GALNT2: variants seen among roughly 807,000 people sequenced by gnomAD.
The protein encoded by GALNT2 is UDP-GalNAc:polypeptide N-acetylgalactosaminyltransferase 2.
In GALNT2, 31 loss-of-function variants were observed where a neutral mutation model predicts 81.4. The ratio of observed to expected loss-of-function variants is 0.38; its 90% CI spans 0.29 to 0.51. The LOEUF (loss-of-function observed/expected upper bound fraction) is 0.51. GALNT2 is among the 20% of genes least tolerant of loss of function. GALNT2 has a pLI of 0.87. For missense variants in GALNT2, 629 were observed against 765.7 expected (o/e 0.82, Z 2.11); for synonymous variants, 303 against 287.4 (o/e 1.05, Z -0.55).
upstream of GALNT2, among the ~76,000 whole-genome samples, chr1:230,062,483 G>A (rs188342693): frequency 3.4e-4 from 51 of 152,168 alleles, no homozygotes; most frequent in African/African-American, 1.1e-3. Context: ...CCGAAACTCC[G>A]AACTCATAAA....
intron 15 of GALNT2, among the ~76,000 whole-genome samples, chr1:230,278,433 G>T (rs1248984677): frequency 6.6e-6 from 1 of 152,060 alleles, no homozygotes; most frequent in Non-Finnish European, 1.5e-5. Context: ...GGCTGAAAGG[G>T]GTATTTATGT....
At chr1:230,081,607 T>G (rs1174066333) in intron 1 of GALNT2, among the ~76,000 whole-genome samples, 2 of 152,168 alleles carry the variant, frequency 1.3e-5, no homozygotes, top group Non-Finnish European at 1.5e-5. Context: ...AATTAATAAT[T>G]GTGGCAATGC....
intron 2 of GALNT2, among the ~76,000 whole-genome samples, chr1:230,187,992 G>A (rs908884464): frequency 2.6e-5 from 4 of 152,158 alleles, no homozygotes; most frequent in African/African-American, 4.8e-5. Flanking sequence ...CATTCGGGCA[G>A]GAAAACAGAA....
At chr1:230,250,726 T>G (rs1478920451) in intron 10 of GALNT2, among the ~76,000 whole-genome samples, 166 bp downstream of exon 10, 1 of 152,192 alleles carries the variant, frequency 6.6e-6, no homozygotes, top group Admixed American at 6.5e-5. Context: ...GAAAGTCTCA[T>G]GAGTTGGGCA....
Position 230,250,137 on chromosome 1 carries a change from C to T in GALNT2, c.906-320C>T, listed in dbSNP as rs554878156. 7.2e-5 allele frequency among the ~76,000 whole-genome samples: 11 copies of T among 152,316 alleles called. No individual in the cohort carries two copies. The South Asian group carries it at 1.7e-3, about 23-fold the overall frequency. ...TAAGGAAACTGACACACAGAAAGGC[C>T]GAGTTCTTTGCCTATGGCAGCATGT... On this transcript the variant is annotated intron_variant, in intron 9 of 15. Transcript: ENST00000366672.
chr1:230,111,372 A>G (rs1349044634), intron 1 of GALNT2, among the ~76,000 whole-genome samples: 2 of 152,270 alleles, frequency 1.3e-5, no homozygotes, highest in African/African-American at 4.8e-5. Flanking sequence ...TGCATGGAAC[A>G]TATGCAGTAC....
chr1:230,167,672 C>G (rs1348534456), intron 1 of GALNT2, among the ~76,000 whole-genome samples: 1 of 152,176 alleles, frequency 6.6e-6, no homozygotes, highest in Non-Finnish European at 1.5e-5. Context: ...GGTCAGGGAA[C>G]TGCCGAGCGT....
rs1415419272 is a variant in GALNT2 at position 230,070,315 on chromosome 1, GCTT to G, written c.126+2913_126+2915del. Among the ~76,000 whole-genome samples, 1 of 152,094 alleles carries G rather than the reference GCTT, an allele frequency of 6.6e-6. No homozygotes were observed. Among genetic ancestry groups the G allele is most frequent in the Non-Finnish European group, 1.5e-5 (1 of 68,036 alleles). ...CACTTCAAGCGTGCCTTTCCTTTGAGCTTCTTAAATGCTTTAAAATTTTAACCA... is the reference window on the plus strand; with the variant it reads ...CACTTCAAGCGTGCCTTTCCTTTGAGCTTAAATGCTTTAAAATTTTAACCA... On this transcript the variant is annotated intron_variant, in intron 1 of 15. Transcript: ENST00000366672. This position sits in a 1 kb window ranked among gnomAD's most constrained non-coding sequence, Gnocchi z 4.7.
At position 230,281,529 on chromosome 1, in the gene GALNT2, T is replaced by C. The variant is rs778810269; in HGVS notation, c.*2071T>C. The C allele has an allele frequency of 2.6e-5, 4 of 152,198 alleles. No individual in the cohort carries two copies. Among genetic ancestry groups the C allele is most frequent in the Non-Finnish European group, 5.9e-5 (4 of 68,058 alleles). 9.4% of individuals were successfully genotyped at this position (152,198 alleles called of 1,614,324 possible). A position where few individuals can be genotyped will look rare whatever the true frequency, so the allele number is the denominator to read the frequency against. On this transcript the variant is annotated 3_prime_UTR_variant, in exon 16 of 16. Transcript: ENST00000366672. ...TACTGTAAGGAGGGAAATGGATGAA[T>C]CTGGCTCGTTTTAAAATCACGTTTT... is the stretch of plus-strand genomic sequence containing the variant.
intron 1 of GALNT2, among the ~76,000 whole-genome samples, chr1:230,106,958 A>T (rs2102784745): frequency 6.6e-6 from 1 of 152,330 alleles, no homozygotes; most frequent in Admixed American, 6.5e-5. Context: ...GGCTCCTTGT[A>T]GCAATGGAGG....
At chr1:230,072,533 C>T (rs1440152832) in intron 1 of GALNT2, among the ~76,000 whole-genome samples, 1 of 152,172 alleles carries the variant, frequency 6.6e-6, no homozygotes, top group African/African-American at 2.4e-5. Context: ...AGAAAACACA[C>T]AAACCTGGCC....
chr1:230,201,550 T>C (rs1663892468), intron 2 of GALNT2, among the ~76,000 whole-genome samples: 1 of 152,166 alleles, frequency 6.6e-6, no homozygotes, highest in African/African-American at 2.4e-5. Flanking sequence ...GGAAAGTAGA[T>C]ATGGAGGTAC....
At chr1:230,277,581 C>T (rs1666334271) in intron 15 of GALNT2, among the ~76,000 whole-genome samples, 1 of 152,222 alleles carries the variant, frequency 6.6e-6, no homozygotes, top group Non-Finnish European at 1.5e-5. Context: ...AGGCACTTAG[C>T]AAAAGCCTCC....
chr1:230,269,518 A>G (rs1157332013), intron 14 of GALNT2, among the ~76,000 whole-genome samples: 1 of 152,142 alleles, frequency 6.6e-6, no homozygotes, highest in Non-Finnish European at 1.5e-5. Context: ...TGCTGATGCC[A>G]GGTGCTATGC....
intron 3 of GALNT2, among the ~76,000 whole-genome samples, chr1:230,214,827 C>G (rs949329058): frequency 3.3e-5 from 5 of 152,074 alleles, no homozygotes; most frequent in African/African-American, 1.2e-4. Flanking sequence ...CTTTTTGATT[C>G]CCTGTGTCTC....
chr1:230,247,665 T>C (rs936409900), intron 8 of GALNT2, among the ~76,000 whole-genome samples: 3 of 152,156 alleles, frequency 2.0e-5, no homozygotes, highest in African/African-American at 7.2e-5. Flanking sequence ...CCAAAGCAGC[T>C]GCGTATGTCA....
intron 1 of GALNT2, among the ~76,000 whole-genome samples, chr1:230,128,034 G>T (rs1661247182): frequency 1.3e-5 from 2 of 152,212 alleles, no homozygotes; most frequent in African/African-American, 4.8e-5. Context: ...TGTCCCAAAT[G>T]CAGCTTTTCT....
chr1:230,201,106 G>C (rs1419175642), intron 2 of GALNT2, among the ~76,000 whole-genome samples: 2 of 152,178 alleles, frequency 1.3e-5, no homozygotes, highest in Admixed American at 1.3e-4. Context: ...GATGAGGAGA[G>C]AGTGGAGGAT....
chr1:230,168,218 C>A (rs1338016075), intron 1 of GALNT2, among the ~76,000 whole-genome samples: 1 of 152,192 alleles, frequency 6.6e-6, no homozygotes, highest in Non-Finnish European at 1.5e-5. Context: ...AATTATATAT[C>A]ATCTCTTAAA....
Sources: gnomAD v4.1 joint callset for allele counts (sites outside exome capture counted in the v4.1 genomes callset) on GRCh38, gnomAD v4.1.1 for gene constraint, Gnocchi (gnomAD v3.1) non-coding constraint, MANE v1.5 for transcripts, NCBI Gene and HGNC (gene_info 2026-07-23, HGNC 2026-07-21) for gene names.